Variants in NAV3 observed in about 807,000 individuals in gnomAD.
NAV3 encodes the protein pore membrane and/or filament interacting like protein 1.
NAV3 carries 87 observed loss-of-function variants against 244.7 expected under a neutral mutation model. The ratio of observed to expected loss-of-function variants is 0.36; its 90% CI spans 0.30 to 0.42. The LOEUF is 0.42. Ranked by LOEUF, NAV3 falls within the 20% of genes least tolerant of loss-of-function variation. The pLI is 1.00. For synonymous variants in NAV3, 1,126 were observed against 1,042.2 expected (o/e 1.08, Z -1.55); for missense variants, 2,663 against 2,893.3 (o/e 0.92, Z 1.83).
chr12:77,771,908 GTAA>G (rs974444302), intron 2 of NAV3, among the ~76,000 whole-genome samples: 4 of 108,974 alleles, frequency 3.7e-5, no homozygotes, highest in Non-Finnish European at 7.6e-5. Flanking sequence ...AACTTAAAGT[GTAA>G]TAATAATAAA....
rs529527443 is a variant in NAV3, at chr12:78,111,948, A to G, written c.2637-4824A>G. Reference sequence around the variant, plus strand: ...GAAATATATATTTCTAAATTTATAAATGTATTTATTGGTGTTCCACGTTGC... The same window carrying G: ...GAAATATATATTTCTAAATTTATAAGTGTATTTATTGGTGTTCCACGTTGC... On this transcript the variant is annotated intron_variant, in intron 12 of 39. Transcript: ENST00000397909. Among the ~76,000 whole-genome samples, 3 of 152,320 alleles carry G rather than the reference A, an allele frequency of 2.0e-5. No homozygotes were observed. The South Asian group carries it at 6.2e-4, about 32-fold the overall frequency.
At chr12:78,101,976 C>T (rs1868372) in intron 12 of NAV3, among the ~76,000 whole-genome samples, 3 of 151,848 alleles carry the variant, frequency 2.0e-5, no homozygotes, top group Non-Finnish European at 2.9e-5. Flanking sequence ...TAAAAATGTG[C>T]GAAAAAGTTA....
chr12:77,843,811 C>T (rs771204032), intron 1 of NAV3, among the ~76,000 whole-genome samples: 36 of 149,284 alleles, frequency 2.4e-4, no homozygotes, highest in Non-Finnish European at 3.4e-4. Context: ...CAGTTTACAA[C>T]CAATTTAGAC....
At chr12:77,987,503 A>G (rs1870721608) in intron 5 of NAV3, among the ~76,000 whole-genome samples, 1 of 152,210 alleles carries the variant, frequency 6.6e-6, no homozygotes, top group South Asian at 2.1e-4. Context: ...CTCCTTTAAC[A>G]TACTTCTGAT....
chr12:77,891,622 T>TA (rs951056177), intron 1 of NAV3, among the ~76,000 whole-genome samples: 1 of 152,190 alleles, frequency 6.6e-6, no homozygotes. Flanking sequence ...AAAGTGACTT[T>TA]AAAAAATGTA....
chr12:77,722,192 G>A (rs1876667561), intron 2 of NAV3, among the ~76,000 whole-genome samples: 1 of 152,032 alleles, frequency 6.6e-6, no homozygotes, highest in African/African-American at 2.4e-5. Context: ...CTATGTAGAA[G>A]GAAAGGTATA....
At chr12:77,785,737 C>T (rs992192851) in intron 2 of NAV3, among the ~76,000 whole-genome samples, 43 of 152,040 alleles carry the variant, frequency 2.8e-4, no homozygotes, top group African/African-American at 1.0e-3. Flanking sequence ...TGGTGGTAGG[C>T]GTGGGCTGCC....
chr12:77,946,277 G>T (rs1244926154), intron 3 of NAV3, among the ~76,000 whole-genome samples: 4 of 150,332 alleles, frequency 2.7e-5, no homozygotes, highest in Non-Finnish European at 5.9e-5. Flanking sequence ...ACCTTATAAA[G>T]AAAATTTAAC....
At chr12:78,058,252 TCA>T (rs1260884219) in intron 11 of NAV3, among the ~76,000 whole-genome samples, 4 of 152,102 alleles carry the variant, frequency 2.6e-5, no homozygotes, top group African/African-American at 9.7e-5. Flanking sequence ...TTTAATTGAC[TCA>T]CAGTTTCACA....
chr12:77,826,429 T>C (rs1592716624), upstream of NAV3, among the ~76,000 whole-genome samples: 3 of 151,208 alleles, frequency 2.0e-5, no homozygotes, highest in East Asian at 3.9e-4. Context: ...GAGGCTGAAG[T>C]TGTAGTGAGC....
At chr12:78,069,917 C>T (rs1952669336) in intron 12 of NAV3, among the ~76,000 whole-genome samples, 1 of 151,960 alleles carries the variant, frequency 6.6e-6, no homozygotes, top group African/African-American at 2.4e-5. Context: ...TATTTGTAAA[C>T]TATCAGGAAT....
At chr12:78,133,303 A>G (rs1956240380) in intron 18 of NAV3, among the ~76,000 whole-genome samples, 1 of 151,956 alleles carries the variant, frequency 6.6e-6, no homozygotes, top group South Asian at 2.1e-4. Context: ...TTTTTATTGT[A>G]TTTACAGTTC....
chr12:77,883,925 A>G (rs1208404914), intron 1 of NAV3, among the ~76,000 whole-genome samples: 2 of 152,166 alleles, frequency 1.3e-5, no homozygotes, highest in Non-Finnish European at 2.9e-5. Context: ...TAAACAAGGC[A>G]TGAAATGAAC....
At chr12:77,635,585 G>A (rs1872121888) in intron 2 of NAV3, among the ~76,000 whole-genome samples, 1 of 152,106 alleles carries the variant, frequency 6.6e-6, no homozygotes, top group Non-Finnish European at 1.5e-5. Flanking sequence ...TCATAACAAT[G>A]AGCTTTACTT....
At chr12:78,036,461 C>T (rs558484392) in intron 9 of NAV3, 1 of 166,600 alleles carries the variant, frequency 6.0e-6, no homozygotes, top group Non-Finnish European at 1.3e-5. Context: ...AGCAAGAGAC[C>T]TCAGCTCGTG....
chr12:78,099,286 A>G (rs1468580450), intron 12 of NAV3, among the ~76,000 whole-genome samples: 2 of 151,706 alleles, frequency 1.3e-5, no homozygotes, highest in Non-Finnish European at 3.0e-5. Context: ...AAATAATTTA[A>G]GAGCATTAAA....
At chr12:78,117,116 C>T (rs1184129780) in intron 13 of NAV3, among the ~76,000 whole-genome samples, 1 of 125,054 alleles carries the variant, frequency 8.0e-6, no homozygotes, top group Non-Finnish European at 1.6e-5. Context: ...TTAGGAGGAG[C>T]AACAATGTGC....
intron 1 of NAV3, among the ~76,000 whole-genome samples, chr12:77,890,295 T>C (rs1883781210): frequency 6.6e-6 from 1 of 152,076 alleles, no homozygotes. Flanking sequence ...TTTGTATTTT[T>C]AGTAGAGATG....
chr12:78,160,404 C>CGTGTGTGT (rs72534188), intron 23 of NAV3, among the ~76,000 whole-genome samples: 5 of 144,726 alleles, frequency 3.5e-5, no homozygotes, highest in Admixed American at 6.8e-5. Flanking sequence ...TGTGTGCGTG[C>CGTGTGTGT]GTGTGTGTGT....
Sources: gnomAD v4.1 joint callset for allele counts (sites outside exome capture counted in the v4.1 genomes callset) on GRCh38, gnomAD v4.1.1 for gene constraint, MANE v1.5 for transcripts, NCBI Gene and HGNC (gene_info 2026-07-23, HGNC 2026-07-21) for gene names.